The following PSMA8 variants were observed in gnomAD, a reference collection of about 807,000 sequenced individuals.
The protein encoded by PSMA8 is proteasome subunit alpha-type 8.
PSMA8 carries 18 observed loss-of-function variants against 32.4 expected under a neutral mutation model. The ratio of observed to expected loss-of-function variants is 0.56; its 90% confidence interval spans 0.38 to 0.82. PSMA8 has a LOEUF of 0.82. Among genes scored for constraint, PSMA8 ranks in the 40% least tolerant of loss-of-function variants. The probability of loss-of-function intolerance (pLI) is 0.00; values close to 1 mark genes in which losing one functional copy is unlikely to be tolerated. For missense variants in PSMA8, 298 were observed against 300.7 expected (o/e 0.99, Z 0.07); for synonymous variants, 104 against 98.1 (o/e 1.06, Z -0.36).
intron 4 of PSMA8, among the ~76,000 whole-genome samples, chr18:26,165,903 C>T (rs1425788421): frequency 6.6e-6 from 1 of 151,988 alleles, no homozygotes; most frequent in Non-Finnish European, 1.5e-5. Context: ...TGAGACCAGC[C>T]TGGCCAACAT....
intron 6 of PSMA8, among the ~76,000 whole-genome samples, chr18:26,187,809 A>C (rs1463429377): frequency 3.3e-5 from 5 of 152,146 alleles, no homozygotes; most frequent in Non-Finnish European, 7.4e-5. Context: ...GCTAAAAAAA[A>C]CCAGATAGAT....
intron 6 of PSMA8, among the ~76,000 whole-genome samples, chr18:26,185,224 C>A (rs1484189704): frequency 6.7e-6 from 1 of 149,806 alleles, no homozygotes; most frequent in Non-Finnish European, 1.5e-5. Flanking sequence ...TGTGTTAGAA[C>A]AAATGCTTTT....
chr18:26,166,900 G>A (rs376396024), intron 4 of PSMA8, among the ~76,000 whole-genome samples: 4 of 152,258 alleles, frequency 2.6e-5, no homozygotes, highest in Admixed American at 1.3e-4. Flanking sequence ...GTTTCTTTGC[G>A]AAAAATTAAT....
intron 3 of PSMA8, among the ~76,000 whole-genome samples, chr18:26,155,248 G>T (rs28560403): frequency 0.056 from 8,495 of 151,698 alleles, 694 homozygotes; most frequent in African/African-American, 0.18. Flanking sequence ...AAAAGAAAAG[G>T]CTCATTAAGG....
chr18:26,138,948 G>A (rs1197160921), intron 1 of PSMA8, among the ~76,000 whole-genome samples: 1 of 152,174 alleles, frequency 6.6e-6, no homozygotes, highest in Non-Finnish European at 1.5e-5. Flanking sequence ...TTTGGGGGAA[G>A]ATAACTGTTT....
chr18:26,174,108 T>C (rs567098039), intron 4 of PSMA8, among the ~76,000 whole-genome samples: 1 of 152,330 alleles, frequency 6.6e-6, no homozygotes, highest in African/African-American at 2.4e-5. Context: ...CATTCAAGTT[T>C]CATTTTACAG....
intron 1 of PSMA8, among the ~76,000 whole-genome samples, chr18:26,140,677 A>C (rs893476759): frequency 6.6e-6 from 1 of 152,196 alleles, no homozygotes; most frequent in Non-Finnish European, 1.5e-5. Context: ...TTATTTATTT[A>C]GAAAATGTTA....
rs2055355350 is a variant in PSMA8, at chr18:26,186,440, AGATATAAGAAATTTAC to A, written c.661-5878_661-5863del. Among the ~76,000 whole-genome samples the A allele has an allele frequency of 5.3e-5, 8 of 152,134 alleles. No homozygotes were observed. The South Asian group carries it at 1.7e-3, about 32-fold the overall frequency. ...TATTATTAAATTAGAAAAACACATAAGATATAAGAAATTTACTGAGTAGTGTAAACCTTTATTATTT... is the reference window on the plus strand; with the variant it reads ...TATTATTAAATTAGAAAAACACATAATGAGTAGTGTAAACCTTTATTATTT... On this transcript the variant is annotated intron_variant, in intron 6 of 6. Transcript: ENST00000415576.
intron 1 of PSMA8, among the ~76,000 whole-genome samples, chr18:26,137,511 T>C (rs1362199677): frequency 1.3e-5 from 2 of 152,226 alleles, no homozygotes; most frequent in Non-Finnish European, 1.5e-5. Flanking sequence ...AATGAGGTAA[T>C]AATGCATGTG....
chr18:26,181,594 A>G (rs529407580), intron 6 of PSMA8, among the ~76,000 whole-genome samples: 4 of 152,260 alleles, frequency 2.6e-5, no homozygotes, highest in Non-Finnish European at 5.9e-5. Flanking sequence ...CCTCTTGTGC[A>G]AGTTATTCAA....
chr18:26,147,827 G>GA (rs1182781023), intron 2 of PSMA8, among the ~76,000 whole-genome samples: 2 of 151,848 alleles, frequency 1.3e-5, no homozygotes, highest in African/African-American at 4.8e-5. Flanking sequence ...GATTGACTAA[G>GA]AAAAAAAGAG....
At chr18:26,140,658 T>C (rs2054948396) in intron 1 of PSMA8, among the ~76,000 whole-genome samples, 1 of 152,194 alleles carries the variant, frequency 6.6e-6, no homozygotes, top group Admixed American at 6.5e-5. Context: ...TGAGGAATTA[T>C]TGGTACTTTT....
intron 3 of PSMA8, among the ~76,000 whole-genome samples, chr18:26,157,392 TAA>T (rs760332641): frequency 2.8e-5 from 4 of 142,604 alleles, no homozygotes. Context: ...CCCTGTCTCT[TAA>T]AAAAAAAAAA....
intron 4 of PSMA8, among the ~76,000 whole-genome samples, chr18:26,161,886 G>C (rs1040319816): frequency 6.6e-6 from 1 of 152,086 alleles, no homozygotes; most frequent in Admixed American, 6.5e-5. Flanking sequence ...TGGCAGAAAA[G>C]TCCAACAAAC....
chr18:26,148,959 A>G (rs1376819100), intron 2 of PSMA8, among the ~76,000 whole-genome samples: 1 of 151,988 alleles, frequency 6.6e-6, no homozygotes, highest in African/African-American at 2.4e-5. Context: ...CAACCCTCCC[A>G]CCTCAGCCTC....
At chr18:26,148,411 A>C (rs2055020323) in intron 2 of PSMA8, among the ~76,000 whole-genome samples, 1 of 151,810 alleles carries the variant, frequency 6.6e-6, no homozygotes, top group East Asian at 1.9e-4. Flanking sequence ...GGAAAGAAAA[A>C]AACTATATAA....
intron 4 of PSMA8, among the ~76,000 whole-genome samples, chr18:26,164,892 GA>G (rs1299995436): frequency 6.6e-6 from 1 of 151,814 alleles, no homozygotes; most frequent in Admixed American, 6.6e-5. Context: ...AGGGTTGTTG[GA>G]GTTTTTGGTT....
Position 26,171,304 on chromosome 18 carries a change from C to T in PSMA8, c.478-7526C>T, listed in dbSNP as rs2055218610. The T allele has an allele frequency of 1.3e-6, 2 of 1,508,388 alleles. 1 individual carries two copies. Among genetic ancestry groups the T allele is most frequent in the African/African-American group, 7.9e-5 (2 of 25,476 alleles). 93.4% of individuals were successfully genotyped at this position (1,508,388 alleles called of 1,614,324 possible). On this transcript the variant is annotated intron_variant, in intron 4 of 6. Coordinates refer to ENST00000415576, the MANE Select transcript of PSMA8 (RefSeq NM_001025096.2). The stretch of plus-strand genomic sequence containing the variant: ...CCAACCATGACAGCAGCGGGAGGAC[C>T]TCCGAGCCCGCTCGTTACAGCAGAA...
rs939577551 is a variant in PSMA8, at chr18:26,160,436, G to A, written c.477+2192G>A. Among the ~76,000 whole-genome samples, 8 of 152,300 alleles carry A rather than the reference G, an allele frequency of 5.3e-5. No individual in the cohort carries two copies. In the East Asian group the frequency reaches 1.2e-3, roughly 22 times the overall value. On this transcript the variant is annotated intron_variant, in intron 4 of 6. Coordinates refer to ENST00000415576, the MANE Select transcript of PSMA8 (RefSeq NM_001025096.2). The stretch of plus-strand genomic sequence containing the variant: ...TTAGGCCAGATTATTTTCTCTGCAT[G>A]TTATATAAATTCTAAAATCCATTCT...
Sources: gnomAD v4.1 joint callset for allele counts (sites outside exome capture counted in the v4.1 genomes callset) on GRCh38, gnomAD v4.1.1 for gene constraint, MANE v1.5 for transcripts, NCBI Gene and HGNC (gene_info 2026-07-23, HGNC 2026-07-21) for gene names.